Variants in ZNF724 observed in about 807,000 individuals in gnomAD.
ZNF724 encodes the protein zinc finger protein 724 pseudogene.
ZNF724 carries 14 observed loss-of-function variants against 29.3 expected under a neutral mutation model. That is an observed-to-expected ratio of 0.48 (90% confidence interval 0.32 to 0.75). The LOEUF is 0.75. ZNF724 is among the 30% of genes least tolerant of loss of function. The pLI is 0.04. For synonymous variants in ZNF724, 180 were observed against 193.6 expected (o/e 0.93, Z 0.58); for missense variants, 557 against 571.2 (o/e 0.98, Z 0.25).
intron 1 of ZNF724, among the ~76,000 whole-genome samples, chr19:23,247,757 C>G (rs1972267712): frequency 6.6e-6 from 1 of 152,142 alleles, no homozygotes; most frequent in South Asian, 2.1e-4. Flanking sequence ...AGCGTCTGAT[C>G]GCTGACCAGC....
chr19:23,241,190 C>A (rs374541152), intron 1 of ZNF724, among the ~76,000 whole-genome samples: 1 of 152,116 alleles, frequency 6.6e-6, no homozygotes. Flanking sequence ...CAAACAAATT[C>A]TCTCAAGACC....
rs1194019596 is a variant in ZNF724, at chr19:23,223,110, A to G, written c.1135T>C (p.Ser379Pro). Reference protein sequence around the residue: ...EECGKAFNVSSTLTQHKRIHT... With the variant: ...EECGKAFNVSPTLTQHKRIHT... ...ATTCTCTTATGTTGAGTAAGAGTTG[A>G]GGACACGTTAAAGGCTTTGCCACAC... Residue 379 changes from serine (S) to proline (P), a missense_variant, in exon 4 of 4, where the codon TCA becomes CCA. Physicochemically the swap from Ser to Pro is moderately conservative, Grantham distance 74 (BLOSUM62 -1). Coordinates refer to ENST00000418100, the MANE Select transcript of ZNF724 (RefSeq NM_001355404.2). The G allele has an allele frequency of 3.2e-6, 4 of 1,251,020 alleles. No homozygotes were observed. The highest frequency in any genetic ancestry group is 4.7e-6 in the Non-Finnish European group (4 of 850,220). The allele number at this position is 1,251,020 out of a possible 1,614,324, so 77.5% of individuals were successfully genotyped here. A position where few individuals can be genotyped will look rare whatever the true frequency, so the allele number is the denominator to read the frequency against.
At position 23,222,192 on chromosome 19, in the gene ZNF724, A is replaced by G. The variant is rs1971727925; in HGVS notation, c.*193T>C. The G allele has an allele frequency of 1.9e-6, 1 of 515,860 alleles. No individual in the cohort carries two copies. The highest frequency in any genetic ancestry group is 2.8e-5 in the South Asian group (1 of 35,858). The allele number at this position is 515,860 out of a possible 1,614,324, so 32.0% of individuals were successfully genotyped here. A position where few individuals can be genotyped will look rare whatever the true frequency, so the allele number is the denominator to read the frequency against. The stretch of plus-strand genomic sequence containing the variant: ...TTACCTACAATCAAGTATGACAACC[A>G]TTTAAAGGTGTTTAGAAATATTGAG... On this transcript the variant is annotated 3_prime_UTR_variant, in exon 4 of 4. Coordinates refer to ENST00000418100, the MANE Select transcript of ZNF724 (RefSeq NM_001355404.2).
chr19:23,232,436 CAG>C, intron 1 of ZNF724, 143 bp from the exon 2 acceptor site: 1 of 586,274 alleles, frequency 1.7e-6, no homozygotes, highest in Non-Finnish European at 3.1e-6. Flanking sequence ...ATTTTAAAGA[CAG>C]AAATATTCTC....
rs1568348394 is a variant in ZNF724, at chr19:23,250,256, G to A, written c.-14C>T. The A allele has an allele frequency of 2.9e-6, 2 of 687,066 alleles. No homozygotes were observed. The highest frequency in any genetic ancestry group is 5.1e-6 in the Non-Finnish European group (2 of 395,662). 42.6% of individuals were successfully genotyped at this position (687,066 alleles called of 1,614,324 possible). A position where few individuals can be genotyped will look rare whatever the true frequency, so the allele number is the denominator to read the frequency against. On this transcript the variant is annotated 5_prime_UTR_variant, in exon 1 of 4. Transcript: ENST00000418100. ...CACTCTCACCATTTCTAGGCTTCCA[G>A]GGGAGGCCCTGGCGTCTTAGCTGTG...
rs1971763621 is a variant in ZNF724 at position 23,223,500 on chromosome 19, T to C, written c.745A>G (p.Thr249Ala). ...SHLNTHKIIH[T>A]GEKSYKREEC... The stretch of plus-strand genomic sequence containing the variant: ...TCACGTTTGTAGGATTTCTCTCCAG[T>C]ATGAATTATCTTATGTGTGTTAAGG... Residue 249 changes from threonine (T) to alanine (A), a missense_variant, in exon 4 of 4, where the codon ACT becomes GCT. Around this residue, in one of 3 missense-constraint regions of ZNF724, gnomAD observed 362 missense variants for 295.5 expected, o/e 1.22. Transcript: ENST00000418100. 1 of 752,066 alleles carries C rather than the reference T, an allele frequency of 1.3e-6. No homozygotes were observed. Among genetic ancestry groups the C allele is most frequent in the East Asian group, 2.5e-5 (1 of 39,884 alleles). The allele number at this position is 752,066 out of a possible 1,614,324, so 46.6% of individuals were successfully genotyped here. A position where few individuals can be genotyped will look rare whatever the true frequency, so the allele number is the denominator to read the frequency against.
intron 1 of ZNF724, among the ~76,000 whole-genome samples, chr19:23,244,864 A>C (rs1329583779): frequency 6.6e-6 from 1 of 152,180 alleles, no homozygotes; most frequent in African/African-American, 2.4e-5. Context: ...AAGTTCAATA[A>C]CTTAATAGTG....
At chr19:23,237,674 C>T (rs981616175) in intron 1 of ZNF724, among the ~76,000 whole-genome samples, 33 of 146,422 alleles carry the variant, frequency 2.3e-4, no homozygotes, top group Admixed American at 2.1e-3. Flanking sequence ...GCCGAGATCA[C>T]GCCACTGCAC....
At chr19:23,230,710 T>C (rs1971920775) in intron 3 of ZNF724, 1 of 152,098 alleles carries the variant, frequency 6.6e-6, no homozygotes. Flanking sequence ...TGGTTCTCAC[T>C]GAAAACTTGA....
In ZNF724 at chr19:23,223,942, T is replaced by C. The variant is rs187392701; in HGVS notation, c.303A>G (p.Arg101=). Residue 101 remains arginine (R), a synonymous_variant, in exon 4 of 4, where the codon AGA becomes AGG. Transcript: ENST00000418100. ...IKASLQRIIL[R]KYEKCGHHNL... ...TGTGATGTCCACATTTTTCATATTTTCTCAGTATTATTCTTTGCAAAGAAG... is the reference window on the plus strand; with the variant it reads ...TGTGATGTCCACATTTTTCATATTTCCTCAGTATTATTCTTTGCAAAGAAG... The C allele has an allele frequency of 6.9e-5, 52 of 758,272 alleles. No individual in the cohort carries two copies. The African/African-American group carries it at 8.0e-4, about 12-fold the overall frequency. The allele number at this position is 758,272 out of a possible 1,614,324, so 47.0% of individuals were successfully genotyped here.
intron 1 of ZNF724, among the ~76,000 whole-genome samples, chr19:23,238,627 A>C (rs888156647): frequency 6.6e-6 from 1 of 152,154 alleles, no homozygotes; most frequent in African/African-American, 2.4e-5. Context: ...ATAAAAGCCA[A>C]ATCTCGACCA....
chr19:23,232,639 A>C (rs1180556435), intron 1 of ZNF724, among the ~76,000 whole-genome samples: 2 of 151,584 alleles, frequency 1.3e-5, no homozygotes, highest in East Asian at 3.9e-4. Flanking sequence ...TACAAGGTAC[A>C]TCTCAAATTT....
intron 1 of ZNF724, chr19:23,236,553 C>G (rs1273918367): frequency 6.5e-6 from 1 of 153,190 alleles, no homozygotes; most frequent in South Asian, 2.1e-4. Flanking sequence ...AAAAATCGCT[C>G]TTCATCTTAG....
At chr19:23,232,553 A>C (rs998673916) in intron 1 of ZNF724, among the ~76,000 whole-genome samples, 5 of 152,236 alleles carry the variant, frequency 3.3e-5, no homozygotes, top group African/African-American at 4.8e-5. Flanking sequence ...GGACATGAAC[A>C]CAGGCATGTA....
chr19:23,226,299 C>T (rs1037121678), intron 3 of ZNF724, among the ~76,000 whole-genome samples: 1 of 152,160 alleles, frequency 6.6e-6, no homozygotes, highest in Non-Finnish European at 1.5e-5. Context: ...GATCTGCCCA[C>T]CTCGGCCTCC....
intron 1 of ZNF724, among the ~76,000 whole-genome samples, chr19:23,248,581 A>AT (rs34343272): frequency 0.33 from 47,225 of 144,500 alleles, 7,810 homozygotes; most frequent in African/African-American, 0.41. Context: ...ACTCAAATGC[A>AT]TTTTTTTTTT....
intron 1 of ZNF724, among the ~76,000 whole-genome samples, chr19:23,244,362 A>G (rs1009256285): frequency 6.6e-6 from 1 of 152,052 alleles, no homozygotes; most frequent in Non-Finnish European, 1.5e-5. Flanking sequence ...TTGTCCTGAG[A>G]GGGGTGTGGA....
At chr19:23,248,762 A>G (rs560328203) in intron 1 of ZNF724, among the ~76,000 whole-genome samples, 15 of 152,248 alleles carry the variant, frequency 9.9e-5, no homozygotes, top group Non-Finnish European at 1.9e-4. Flanking sequence ...AGGGAGGCTG[A>G]GGCCGGTGGA....
In ZNF724 at chr19:23,224,650, T is replaced by C. The variant is rs540771327; in HGVS notation, c.227-632A>G. Among the ~76,000 whole-genome samples, 13 of 152,146 alleles carry C rather than the reference T, an allele frequency of 8.5e-5. No individual in the cohort carries two copies. In the South Asian group the frequency reaches 2.7e-3, roughly 32 times the overall value. ...GCTCATCCCTCTCCCCAATATAATATAGTGCCTTTAGAAGTGAACACCCAG... is the reference window on the plus strand; with the variant it reads ...GCTCATCCCTCTCCCCAATATAATACAGTGCCTTTAGAAGTGAACACCCAG... On this transcript the variant is annotated intron_variant, in intron 3 of 3. Coordinates refer to ENST00000418100, the MANE Select transcript of ZNF724 (RefSeq NM_001355404.2).
Sources: gnomAD v4.1 joint callset for allele counts (sites outside exome capture counted in the v4.1 genomes callset) on GRCh38, gnomAD v4.1.1 for gene constraint, gnomAD v4.1.1 regional missense constraint, MANE v1.5 for transcripts, NCBI Gene and HGNC (gene_info 2026-07-23, HGNC 2026-07-21) for gene names.